Variants in AKAP10 observed in about 807,000 individuals in gnomAD.
AKAP10 encodes A-kinase anchoring protein 10, also known as A-kinase anchor protein 10, mitochondrial.
Under a neutral mutation model 80.8 loss-of-function variants are expected in AKAP10, and 24 were observed. That is an observed-to-expected ratio of 0.30 (90% CI 0.22 to 0.42). The LOEUF is 0.42. Among genes scored for constraint, AKAP10 ranks in the 10% least tolerant of loss-of-function variants. The pLI, the probability that AKAP10 is intolerant of heterozygous loss-of-function variation, is 1.00. For missense variants in AKAP10, 661 were observed against 794.9 expected, an observed-to-expected ratio of 0.83 and a Z score of 2.03; for synonymous variants, 291 against 277.7, an observed-to-expected ratio of 1.05 and a Z score of -0.48.
At chr17:19,914,821 T>C (rs1364691995) in intron 12 of AKAP10, among the ~76,000 whole-genome samples, 2 of 151,984 alleles carry the variant, frequency 1.3e-5, no homozygotes, top group Admixed American at 6.6e-5. Context: ...AAATAGCAAC[T>C]GCAGAGGCAC....
At chr17:19,957,414 C>T (rs545869685) in intron 4 of AKAP10, among the ~76,000 whole-genome samples, 11 of 151,942 alleles carry the variant, frequency 7.2e-5, no homozygotes, top group African/African-American at 1.9e-4. Context: ...TGGTGGCAGG[C>T]GCCTGTAGTC....
chr17:19,907,474 C>T lies in AKAP10; in HGVS notation c.1984-1242G>A, dbSNP rs1406042522. 2.0e-5 allele frequency among the ~76,000 whole-genome samples: 3 copies of T among 148,656 alleles called. No homozygotes were observed. In the Admixed American group the frequency reaches 2.0e-4, roughly 10 times the overall value. The stretch of plus-strand genomic sequence containing the variant: ...TGTCCAGGCTGGAGTACAAGTGGCA[C>T]AATCTCGGCTTACTGCAACCTCAAC... On this transcript the variant is annotated intron_variant, in intron 14 of 14. Transcript: ENST00000225737.
At chr17:19,916,717 C>A (rs1047011021) in intron 12 of AKAP10, among the ~76,000 whole-genome samples, 4 of 150,310 alleles carry the variant, frequency 2.7e-5, no homozygotes, top group African/African-American at 9.8e-5. Flanking sequence ...GTGGGCGGAT[C>A]ACGACATCAG....
At chr17:19,934,191 G>C (rs955194707) in intron 9 of AKAP10, among the ~76,000 whole-genome samples, 1 of 152,142 alleles carries the variant, frequency 6.6e-6, no homozygotes, top group Non-Finnish European at 1.5e-5. Flanking sequence ...AAAGTGCTGG[G>C]ATTACAGATG....
intron 5 of AKAP10, chr17:19,947,126 T>C (rs2043142709): frequency 5.1e-6 from 2 of 394,382 alleles, no homozygotes; most frequent in Non-Finnish European, 9.3e-6. Context: ...CTGTGCCGGT[T>C]AGCGTAGCCG....
Position 19,958,218 on chromosome 17 carries a change from G to A in AKAP10, c.673C>T (p.Leu225=). The change falls in exon 4 of 15, where the codon CTG becomes TTG. Residue 225 remains leucine (L), a synonymous_variant. Coordinates refer to ENST00000225737, the MANE Select transcript of AKAP10 (RefSeq NM_007202.4). ...LFMTHSEGID[L]NNRTNSTQNH... ...TGAGTGCTGTTAGTTCTATTATTCA[G>A]GTCAATTCCTTCTGAATGAGTCATA... 1.2e-6 allele frequency: 2 copies of A among 1,614,150 alleles called. No individual in the cohort carries two copies. Among genetic ancestry groups the A allele is most frequent in the Non-Finnish European group, 8.5e-7 (1 of 1,180,042 alleles).
chr17:19,910,121 A>G, intron 12 of AKAP10, 143 bp from the exon 13 acceptor site: 1 of 677,730 alleles, frequency 1.5e-6, no homozygotes, highest in Admixed American at 2.6e-5. Context: ...TGAGGTTAAG[A>G]GTTCAAGACC....
chr17:19,923,287 A>C (rs1216505523), intron 11 of AKAP10, among the ~76,000 whole-genome samples: 1 of 152,022 alleles, frequency 6.6e-6, no homozygotes, highest in Non-Finnish European at 1.5e-5. Flanking sequence ...CATGTTGCCC[A>C]GGCTGGTCTC....
At position 19,958,212 on chromosome 17, in the gene AKAP10, T is replaced by C. The variant is rs774186258; in HGVS notation, c.679A>G (p.Asn227Asp). Residue 227 changes from asparagine (N) to aspartate (D), a missense_variant, in exon 4 of 15, where the codon AAT (asparagine) becomes GAT (aspartate). Transcript: ENST00000225737. Reference sequence around the variant, plus strand: ...TGATTCTGAGTGCTGTTAGTTCTATTATTCAGGTCAATTCCTTCTGAATGA... The same window carrying C: ...TGATTCTGAGTGCTGTTAGTTCTATCATTCAGGTCAATTCCTTCTGAATGA... The part of the protein sequence containing the change: ...MTHSEGIDLN[N>D]RTNSTQNHLL... The C allele has an allele frequency of 6.2e-7, 1 of 1,614,218 alleles. No individual in the cohort carries two copies. Among genetic ancestry groups the C allele is most frequent in the Non-Finnish European group, 8.5e-7 (1 of 1,180,044 alleles).
rs973616855 is a variant in AKAP10 at position 19,904,386 on chromosome 17, T to C, written c.*1841A>G. 3 of 152,162 alleles carry C rather than the reference T, an allele frequency of 2.0e-5. No homozygotes were observed. The South Asian group carries it at 6.2e-4, about 32-fold the overall frequency. 9.4% of individuals were successfully genotyped at this position (152,162 alleles called of 1,614,324 possible). On this transcript the variant is annotated 3_prime_UTR_variant, in exon 15 of 15. Transcript: ENST00000225737. ...ACAAAATGTATATACAAAGAAATGATTAGAATTTATCTTAACTGAAAGCAC... is the reference window on the plus strand; with the variant it reads ...ACAAAATGTATATACAAAGAAATGACTAGAATTTATCTTAACTGAAAGCAC...
chr17:19,919,242 C>A (rs2042784351), intron 12 of AKAP10, among the ~76,000 whole-genome samples: 1 of 152,116 alleles, frequency 6.6e-6, no homozygotes, highest in Non-Finnish European at 1.5e-5. Flanking sequence ...CATGTCCCTA[C>A]AAAGGACATG....
chr17:19,914,644 A>AC (rs2042725732), intron 12 of AKAP10, among the ~76,000 whole-genome samples: 1 of 151,416 alleles, frequency 6.6e-6, no homozygotes, highest in Non-Finnish European at 1.5e-5. Context: ...AAAAAAAAAA[A>AC]AAAAAAGATA....
In AKAP10 at chr17:19,904,314, C is replaced by G. The variant is rs1343584756; in HGVS notation, c.*1913G>C. On this transcript the variant is annotated 3_prime_UTR_variant, in exon 15 of 15. Coordinates refer to ENST00000225737, the MANE Select transcript of AKAP10 (RefSeq NM_007202.4). ...GCCGAGTCTCAAATTTGCTGCTATT[C>G]TCTTTATAAGCAGTTTACAACTACT... 6.6e-6 allele frequency: 1 copy of G among 152,226 alleles called. No individual in the cohort carries two copies. The highest frequency in any genetic ancestry group is 1.5e-5 in the Non-Finnish European group (1 of 68,050). 9.4% of individuals were successfully genotyped at this position (152,226 alleles called of 1,614,324 possible).
At position 19,974,706 on chromosome 17, in the gene AKAP10, A is replaced by AT. The variant is rs55940277; in HGVS notation, c.88+2885dup. On this transcript the variant is annotated intron_variant, in intron 1 of 14. Transcript: ENST00000225737. The stretch of plus-strand genomic sequence containing the variant: ...CAGCCTCCAAAAAGCACCTAGAATG[A>AT]TTTTTTTTTTTTTTTGAGACAAGAT... Among the ~76,000 whole-genome samples, 412 of 146,552 alleles carry AT rather than the reference A, an allele frequency of 2.8e-3. 1 individual carries two copies. Among genetic ancestry groups the AT allele is most frequent in the South Asian group, 4.6e-3 (21 of 4,590 alleles).
At chr17:19,915,828 C>A (rs148196417) in intron 12 of AKAP10, among the ~76,000 whole-genome samples, 58 of 152,298 alleles carry the variant, frequency 3.8e-4, no homozygotes, top group Non-Finnish European at 7.4e-4. Context: ...CTTCTTGAAG[C>A]CCTACACTAA....
In AKAP10 at chr17:19,919,694, A is replaced by G. The variant is rs185112011; in HGVS notation, c.1834+342T>C. Among the ~76,000 whole-genome samples the G allele has an allele frequency of 1.4e-4, 21 of 152,008 alleles. No homozygotes were observed. In the East Asian group the frequency reaches 4.1e-3, roughly 29 times the overall value. ...GCAAGAACTGTCTCAAAAAAAAAAA[A>G]GAAAAGAGAAAAAATATAATTTAAT... is the stretch of plus-strand genomic sequence containing the variant. On this transcript the variant is annotated intron_variant, in intron 12 of 14. Transcript: ENST00000225737.
chr17:19,969,126 C>T (rs1411040997), intron 1 of AKAP10, among the ~76,000 whole-genome samples: 1 of 152,116 alleles, frequency 6.6e-6, no homozygotes. Context: ...GGTGGATCAC[C>T]TGAGGTCAGT....
intron 9 of AKAP10, among the ~76,000 whole-genome samples, chr17:19,933,659 T>C (rs1404453081): frequency 1.3e-5 from 2 of 152,216 alleles, no homozygotes; most frequent in Non-Finnish European, 2.9e-5. Flanking sequence ...ATTATCATCA[T>C]TGGGTAACAG....
At chr17:19,930,592 G>A (rs537614823) in intron 10 of AKAP10, among the ~76,000 whole-genome samples, 1 of 151,864 alleles carries the variant, frequency 6.6e-6, no homozygotes, top group Non-Finnish European at 1.5e-5. Flanking sequence ...AGACTACCCT[G>A]GCCAACATAG....
Sources: gnomAD v4.1 joint callset for allele counts (sites outside exome capture counted in the v4.1 genomes callset) on GRCh38, gnomAD v4.1.1 for gene constraint, MANE v1.5 for transcripts, NCBI Gene and HGNC (gene_info 2026-07-23, HGNC 2026-07-21) for gene names.